LARP1B: variants seen among roughly 807,000 people sequenced by gnomAD.
The protein encoded by LARP1B is La ribonucleoprotein 1B, also known as la-related protein 1B.
Under a neutral mutation model 114.2 loss-of-function variants are expected in LARP1B, and 76 were observed. The observed-to-expected ratio is 0.67, with a 90% CI of 0.55 to 0.81. The LOEUF is 0.81. LARP1B is among the 30% of genes least tolerant of loss of function. The probability of loss-of-function intolerance (pLI) is 0.00; values close to 1 mark genes in which losing one functional copy is unlikely to be tolerated. For synonymous variants in LARP1B, 345 were observed against 348.0 expected, an observed-to-expected ratio of 0.99 and a Z score of 0.10; for missense variants, 1,014 against 1,075.8, an observed-to-expected ratio of 0.94 and a Z score of 0.80.
intron 15 of LARP1B, among the ~76,000 whole-genome samples, chr4:128,196,413 G>T (rs1754141106): frequency 6.6e-6 from 1 of 151,786 alleles, no homozygotes; most frequent in African/African-American, 2.4e-5. Flanking sequence ...TAGCTACTTG[G>T]GAGGCTGAGG....
At chr4:128,192,458 C>T (rs1045003967) in intron 15 of LARP1B, among the ~76,000 whole-genome samples, 3 of 152,184 alleles carry the variant, frequency 2.0e-5, no homozygotes, top group Non-Finnish European at 2.9e-5. Flanking sequence ...AACATCATGG[C>T]TCAGCCTAGC....
intron 1 of LARP1B, chr4:128,069,082 T>C (rs1193689570): frequency 3.9e-6 from 4 of 1,021,376 alleles, no homozygotes; most frequent in East Asian, 4.8e-5. Flanking sequence ...CCACCAATAG[T>C]GTGGTGGCAC....
intron 1 of LARP1B, among the ~76,000 whole-genome samples, chr4:128,065,258 T>C (rs1200518474): frequency 6.5e-5 from 3 of 46,490 alleles, no homozygotes; most frequent in Non-Finnish European, 9.6e-5. Flanking sequence ...AATTAATTTC[T>C]TTCTTTCTTT....
chr4:128,068,041 C>T (rs1002619197), intron 1 of LARP1B, among the ~76,000 whole-genome samples: 6 of 151,856 alleles, frequency 4.0e-5, no homozygotes, highest in East Asian at 3.9e-4. Context: ...CCACCTTGCC[C>T]GGCTAATTTT....
chr4:128,165,278 AATTT>A (rs1740286449), intron 12 of LARP1B, among the ~76,000 whole-genome samples: 1 of 151,632 alleles, frequency 6.6e-6, no homozygotes, highest in African/African-American at 2.4e-5. Context: ...TTTATATATA[AATTT>A]ATTAATTTTT....
At chr4:128,099,823 C>T (rs545242958) in intron 8 of LARP1B, among the ~76,000 whole-genome samples, 1 of 152,070 alleles carries the variant, frequency 6.6e-6, no homozygotes, top group African/African-American at 2.4e-5. Flanking sequence ...AAAATGCCAA[C>T]CTATTGTCCA....
At chr4:128,122,412 A>G in intron 11 of LARP1B, 1 of 1,485,830 alleles carries the variant, frequency 6.7e-7, no homozygotes, top group Non-Finnish European at 8.9e-7. Flanking sequence ...ACAAAAGAAA[A>G]TTAGTACTCA....
chr4:128,143,397 G>C (rs917982307), intron 11 of LARP1B, among the ~76,000 whole-genome samples: 2 of 152,124 alleles, frequency 1.3e-5, no homozygotes, highest in Non-Finnish European at 2.9e-5. Context: ...ACTCTGCCAG[G>C]GATTCATTCA....
intron 17 of LARP1B, among the ~76,000 whole-genome samples, chr4:128,201,459 A>C (rs903875731): frequency 1.3e-5 from 2 of 152,236 alleles, no homozygotes; most frequent in African/African-American, 2.4e-5. Context: ...CTTTGAGAAA[A>C]GAAAAAGCAA....
Position 128,179,488 on chromosome 4 carries a change from G to A in LARP1B, c.1979G>A (p.Arg660His), listed in dbSNP as rs12645577. 1,022,135 of 1,600,256 alleles carry A rather than the reference G, an allele frequency of 0.64. 331,969 individuals are homozygous for A. Among genetic ancestry groups the A allele is most frequent in the Middle Eastern group, 0.82 (4,966 of 6,032 alleles). The change falls in exon 15 of 20, where the codon CGT (arginine) becomes CAT (histidine). Residue 660 changes from arginine to histidine, a missense_variant. Coordinates refer to ENST00000326639, the MANE Select transcript of LARP1B (RefSeq NM_018078.4). ...HVGWVMDSRD[R>H]GPGTSSVSTS... ...GGTTGGGTAATGGATTCCAGAGACC[G>A]TGGGCCAGGAACATCCTCTGTCAGG...
chr4:128,069,363 A>G, intron 1 of LARP1B: 1 of 769,680 alleles, frequency 1.3e-6, no homozygotes, highest in South Asian at 1.3e-5. Flanking sequence ...TAGCTGGTTA[A>G]CACCATGATG....
chr4:128,221,752 T>C (rs934629068), intron 7 of LARP1B, among the ~76,000 whole-genome samples: 5 of 152,204 alleles, frequency 3.3e-5, no homozygotes, highest in Admixed American at 2.6e-4. Context: ...AGTCAGTGGA[T>C]GGACTTTAAG....
At chr4:128,129,318 C>T in intron 11 of LARP1B, among the ~76,000 whole-genome samples, 1 of 140,536 alleles carries the variant, frequency 7.1e-6, no homozygotes, top group South Asian at 2.3e-4. Flanking sequence ...TCACACACTG[C>T]AGCCTGGGCG....
At chr4:128,137,688 ACATTTAT>A (rs1350422253) in intron 11 of LARP1B, among the ~76,000 whole-genome samples, 2 of 151,570 alleles carry the variant, frequency 1.3e-5, no homozygotes, top group Non-Finnish European at 2.9e-5. Context: ...ATCACCTCAA[ACATTTAT>A]CATTTCTTTG....
intron 16 of LARP1B, 61 bp downstream of exon 16, chr4:128,199,660 T>C: frequency 1.2e-6 from 1 of 866,644 alleles, no homozygotes; most frequent in Non-Finnish European, 1.6e-6. Context: ...TTCTAAAAAA[T>C]TTAAATGTTG....
intron 7 of LARP1B, among the ~76,000 whole-genome samples, chr4:128,091,787 G>A (rs528896051): frequency 2.0e-5 from 3 of 152,072 alleles, no homozygotes; most frequent in South Asian, 4.2e-4. Flanking sequence ...GGTAGAGAAC[G>A]GGTTTTGCCA....
At chr4:128,162,420 T>A in intron 12 of LARP1B, 103 bp downstream of exon 12, 1 of 1,024,222 alleles carries the variant, frequency 9.8e-7, no homozygotes, top group Non-Finnish European at 1.4e-6. Flanking sequence ...GGAAAATCAT[T>A]AGGTAAATGG....
chr4:128,113,309 A>G (rs6534664), intron 9 of LARP1B, among the ~76,000 whole-genome samples: 88,110 of 151,468 alleles, frequency 0.58, 26,577 homozygotes, highest in Middle Eastern at 0.8. Flanking sequence ...AATATTTATA[A>G]AAGAAGCCAT....
chr4:128,213,743 A>C (rs1288376207), downstream of LARP1B, among the ~76,000 whole-genome samples: 2 of 152,178 alleles, frequency 1.3e-5, no homozygotes, highest in African/African-American at 2.4e-5. Flanking sequence ...CTTTTAAGAG[A>C]TTAGTTGAAG....
Sources: gnomAD v4.1 joint callset for allele counts (sites outside exome capture counted in the v4.1 genomes callset) on GRCh38, gnomAD v4.1.1 for gene constraint, MANE v1.5 for transcripts, NCBI Gene and HGNC (gene_info 2026-07-23, HGNC 2026-07-21) for gene names.